The following KCP variants were observed in gnomAD, a reference collection of about 807,000 sequenced individuals.
KCP encodes the protein kielin/chordin-like protein.
A neutral mutation model predicts 212.7 loss-of-function variants in KCP; 194 were observed. That is an observed-to-expected ratio of 0.91 (90% CI 0.81 to 1.03). KCP has a LOEUF of 1.03. Among genes scored for constraint, KCP ranks in the 50% least tolerant of loss-of-function variants. KCP has a pLI of 0.00. For missense variants in KCP, 2,080 were observed against 2,162.5 expected, an observed-to-expected ratio of 0.96 and a Z score of 0.76; for synonymous variants, 833 against 865.3, an observed-to-expected ratio of 0.96 and a Z score of 0.65.
intron 31 of KCP, among the ~76,000 whole-genome samples, 151 bp from the exon 32 acceptor site, chr7:128,881,236 G>A (rs1323461231): frequency 1.3e-5 from 2 of 152,208 alleles, no homozygotes; most frequent in African/African-American, 2.4e-5. Flanking sequence ...TATCCACAGG[G>A]CCTATTAGAC....
chr7:128,890,497 C>A lies in KCP; in HGVS notation c.2181G>T (p.Gly727=). The A allele has an allele frequency of 6.5e-7, 1 of 1,549,370 alleles. No individual in the cohort carries two copies. The highest frequency in any genetic ancestry group is 8.7e-7 in the Non-Finnish European group (1 of 1,146,604). The stretch of plus-strand genomic sequence containing the variant: ...AGCGCTCCCCGCTGGCAAACTCCTT[C>A]CCCTGGTACAGGCAGCCTGGGGAGA... ...CPSCDGCLYQ[G]KEFASGERFP... The change falls in exon 21 of 40, where the codon GGG becomes GGT. Residue 727 remains glycine (G), a synonymous_variant. Coordinates refer to ENST00000610776, the MANE Select transcript of KCP (RefSeq NM_001366122.1).
intron 17 of KCP, 22 bp downstream of exon 17, chr7:128,891,624 C>G: frequency 6.7e-7 from 1 of 1,483,624 alleles, no homozygotes; most frequent in Non-Finnish European, 9.0e-7. Flanking sequence ...CCCAGAAGGC[C>G]GCCCTGACCC....
chr7:128,900,005 A>G (rs923196721), intron 8 of KCP, among the ~76,000 whole-genome samples: 1 of 152,124 alleles, frequency 6.6e-6, no homozygotes, highest in South Asian at 2.1e-4. Flanking sequence ...AGGAGCCCCA[A>G]GTTATCTTGG....
chr7:128,908,270 G>GAAAGAAAGAAAGAA (rs1795251161), intron 2 of KCP, among the ~76,000 whole-genome samples, 156 bp downstream of exon 2: 3 of 149,322 alleles, frequency 2.0e-5, no homozygotes, highest in African/African-American at 4.9e-5. Context: ...AAGAAAGAAA[G>GAAAGAAAGAAAGAA]AAAGAAAGAA....
chr7:128,903,088 G>C, intron 7 of KCP: 1 of 578,194 alleles, frequency 1.7e-6, no homozygotes, highest in Non-Finnish European at 3.1e-6. Context: ...ACAGAGCATA[G>C]CCACACCCAT....
chr7:128,907,360 C>T lies in KCP; in HGVS notation c.313G>A (p.Glu105Lys), dbSNP rs377531774. The change falls in exon 3 of 40, where the codon GAG (glutamate) becomes AAG (lysine). Residue 105 changes from glutamate to lysine, a missense_variant. By Grantham distance (56) the Glu-to-Lys change is moderately conservative. Transcript: ENST00000610776. Reference protein sequence around the residue: ...QCWGLGRAWPEGARWEPDACT... With the variant: ...QCWGLGRAWPKGARWEPDACT... ...GCGTCAGGCTCCCAGCGTGCCCCCT[C>T]GGGCCAGGCACGCCCCAGCCCCCAG... The T allele has an allele frequency of 1.2e-4, 178 of 1,543,008 alleles. No homozygotes were observed. The highest frequency in any genetic ancestry group is 6.4e-4 in the East Asian group (26 of 40,668).
At chr7:128,879,017 T>G in intron 37 of KCP, 1 of 437,792 alleles carries the variant, frequency 2.3e-6, no homozygotes, top group Non-Finnish European at 4.1e-6. Context: ...TGCAACCCCC[T>G]TCCGGGGATT....
intron 21 of KCP, chr7:128,890,128 C>T: frequency 1.3e-6 from 1 of 749,396 alleles, no homozygotes; most frequent in Non-Finnish European, 2.2e-6. Context: ...CTATGTTGCC[C>T]AGGCTGGTCT....
At chr7:128,889,999 G>C in intron 21 of KCP, 1 of 266,966 alleles carries the variant, frequency 3.7e-6, no homozygotes, top group Non-Finnish European at 7.2e-6. Flanking sequence ...TGAAAACACG[G>C]TTCACTGTAG....
In KCP at chr7:128,887,349, C is replaced by T. The variant is rs145617731; in HGVS notation, c.2513-49G>A. ...GAAGAGCTGCCATCAACAGAACCTC[C>T]ACTGTCACACACACACACAGCCCCT... On this transcript the variant is annotated intron_variant, in intron 22 of 39. Transcript: ENST00000610776. 7,569 of 1,331,434 alleles carry T rather than the reference C, an allele frequency of 5.7e-3. 34 individuals are homozygous for T. Among genetic ancestry groups the T allele is most frequent in the Non-Finnish European group, 7.0e-3 (6,643 of 948,290 alleles). 82.5% of individuals were successfully genotyped at this position (1,331,434 alleles called of 1,614,324 possible).
At chr7:128,906,526 T>A (rs958147926) in intron 4 of KCP, among the ~76,000 whole-genome samples, 163 bp from the exon 5 acceptor site, 2 of 151,972 alleles carry the variant, frequency 1.3e-5, no homozygotes, top group African/African-American at 4.8e-5. Flanking sequence ...AAAAGAGACA[T>A]CCCGCCCCCA....
chr7:128,893,849 T>C lies in KCP; in HGVS notation c.1056A>G (p.Arg352=). The C allele has an allele frequency of 4.5e-6, 7 of 1,551,258 alleles. No individual in the cohort carries two copies. Among genetic ancestry groups the C allele is most frequent in the South Asian group, 2.4e-5 (2 of 84,054 alleles). ...EPLPCPPVPC[R]HPGKIPGQCC... ...ACTGCCCAGGGATCTTGCCTGGGTG[T>C]CTGCAGGGCACTGGCGGGCAGGGCA... The change falls in exon 11 of 40, where the codon AGA becomes AGG. Residue 352 remains arginine, a synonymous_variant. Transcript: ENST00000610776.
Position 128,878,587 on chromosome 7 carries a change from AG to A in KCP, c.4281del (p.Ser1428ArgfsTer48). On this transcript the variant is annotated frameshift_variant, in exon 38 of 40. Transcript: ENST00000610776. LOFTEE classifies it high-confidence loss of function. ...DLQGPEGLLL[P>X]SEAAFGNSWQ... is the part of the protein sequence containing the mutation. ...CAGCTATTCCCAAACGCAGCCTCCG[AG>A]GGCAGGAGCAGCCCCTCAGGGCCCT... is the stretch of plus-strand genomic sequence containing the variant. 1 of 1,551,348 alleles carries A rather than the reference AG, an allele frequency of 6.4e-7. No individual in the cohort carries two copies. Among genetic ancestry groups the A allele is most frequent in the Non-Finnish European group, 8.7e-7 (1 of 1,146,900 alleles).
rs1265145322 is a variant in KCP at position 128,881,943 on chromosome 7, C to G, written c.3318G>C (p.Gln1106His). 1.3e-6 allele frequency: 2 copies of G among 1,551,142 alleles called. No homozygotes were observed. The highest frequency in any genetic ancestry group is 1.7e-6 in the Non-Finnish European group (2 of 1,146,918). The change falls in exon 30 of 40, where the codon CAG becomes CAC. Residue 1106 changes from glutamine to histidine, a missense_variant. Gln to His is a conservative substitution (Grantham distance 24). Transcript: ENST00000610776. The stretch of plus-strand genomic sequence containing the variant: ...CCAAGGCAGGAGGGCTCACCTGGCA[C>G]TGGCACGTGTAGCAGGGGTCTGGTG... The part of the protein sequence containing the change: ...LAPPDPCYTC[Q>H]CQDLTWLCIH...
chr7:128,891,959 G>A (rs1794177432), intron 16 of KCP, 140 bp from the exon 17 acceptor site: 2 of 598,558 alleles, frequency 3.3e-6, no homozygotes, highest in Admixed American at 3.6e-5. Flanking sequence ...GTGCACATGT[G>A]TGCAGGCATG....
At position 128,880,395 on chromosome 7, in the gene KCP, C is replaced by A. The variant is rs761471926; in HGVS notation, c.3750G>T (p.Ser1250=). ...AGATTGCGGCACTCACGGGGCCACA[C>A]GAGAGCGGTGAGCAGCGCTGGCTCT... ...RCQSQRCSPL[S]CGPDKAPALS... is the part of the protein sequence containing the mutation. Residue 1250 remains serine (S), a synonymous_variant, in exon 34 of 40, where the codon TCG becomes TCT. Coordinates refer to ENST00000610776, the MANE Select transcript of KCP (RefSeq NM_001366122.1). The A allele has an allele frequency of 1.8e-5, 27 of 1,534,910 alleles. No individual in the cohort carries two copies. The highest frequency in any genetic ancestry group is 1.8e-6 in the Non-Finnish European group (2 of 1,137,742).
chr7:128,907,399 C>A lies in KCP; in HGVS notation c.274G>T (p.Ala92Ser). ...CCCAGCCCCCAGCACTGGGGAGATG[C>A]AGGGTGGCACTCACAGGACTCCAGC... is the stretch of plus-strand genomic sequence containing the variant. ...RQLESCECHP[A>S]SPQCWGLGRA... Residue 92 changes from alanine (A) to serine (S), a missense_variant, in exon 3 of 40, where the codon GCA becomes TCA. Transcript: ENST00000610776. The A allele has an allele frequency of 6.6e-7, 1 of 1,525,712 alleles. No homozygotes were observed. Among genetic ancestry groups the A allele is most frequent in the Non-Finnish European group, 8.9e-7 (1 of 1,127,638 alleles). 94.5% of individuals were successfully genotyped at this position (1,525,712 alleles called of 1,614,324 possible).
intron 8 of KCP, among the ~76,000 whole-genome samples, chr7:128,895,719 A>G (rs1050786557): frequency 1.3e-5 from 2 of 152,348 alleles, no homozygotes; most frequent in African/African-American, 2.4e-5. Context: ...CAAGATGGCA[A>G]TGAGAGTGAC....
rs1207694961 is a variant in KCP at position 128,879,735 on chromosome 7, G to T, written c.4027C>A (p.Gln1343Lys). ...TTGCTCACCGTGACTGCCCCGTCCT[G>T]CAGCAGCCGCACGGCCATGTCTCCC... is the stretch of plus-strand genomic sequence containing the variant. ...LLGDMAVRLL[Q>K]DGAVTVDGHP... The change falls in exon 36 of 40, where the codon CAG (glutamine) becomes AAG (lysine). Residue 1343 changes from glutamine to lysine, a missense_variant. Transcript: ENST00000610776. 2.6e-6 allele frequency: 4 copies of T among 1,550,022 alleles called. No individual in the cohort carries two copies. The highest frequency in any genetic ancestry group is 3.5e-6 in the Non-Finnish European group (4 of 1,146,990).
Sources: allele counts gnomAD v4.1 joint callset (sites outside exome capture counted in the v4.1 genomes callset), GRCh38; gene constraint gnomAD v4.1.1; transcripts MANE v1.5; gene names NCBI Gene and HGNC (gene_info 2026-07-23, HGNC 2026-07-21).